MISFA: variants seen among roughly 807,000 people sequenced by gnomAD.
MISFA encodes mitochondrial sheath formation associated.
the MISFA span, among the ~76,000 whole-genome samples, chr11:18,600,360 C>T: frequency 3.3e-5 from 5 of 150,222 alleles, no homozygotes; most frequent in African/African-American, 4.9e-5. Flanking sequence ...TGCACCACCA[C>T]GCCTGGCGAA....
the MISFA span, chr11:18,603,019 C>T: frequency 2.5e-6 from 1 of 396,826 alleles, no homozygotes; most frequent in Non-Finnish European, 4.4e-6. Context: ...CCATGCTGGG[C>T]CATCCACCAT....
At chr11:18,600,046 GC>G in the MISFA span, 1 of 398,868 alleles carries the variant, frequency 2.5e-6, no homozygotes, top group South Asian at 1.3e-4. Context: ...TCCTGTGCTG[GC>G]TCATCTTCCT....
chr11:18,606,873 T>C, the MISFA span: 647 of 363,504 alleles, frequency 1.8e-3, 3 homozygotes, highest in Middle Eastern at 7.5e-3. Context: ...ACATTCTTTT[T>C]TTTTTGACAT....
At chr11:18,608,543 A>G in the MISFA span, 1 of 152,150 alleles carries the variant, frequency 6.6e-6, no homozygotes, top group African/African-American at 2.4e-5. Flanking sequence ...CACTTCCCCT[A>G]AGCCTCTGTA....
At chr11:18,608,910 A>G in the MISFA span, 8 of 151,162 alleles carry the variant, frequency 5.3e-5, no homozygotes, top group Non-Finnish European at 8.9e-5. Flanking sequence ...TAACAAATTC[A>G]AGCTAAAAAA....
At chr11:18,599,915 T>C in the MISFA span, 1 of 398,878 alleles carries the variant, frequency 2.5e-6, no homozygotes, top group African/African-American at 2.1e-5. Flanking sequence ...TTAGAAATTG[T>C]TTTACGTTTG....
the MISFA span, among the ~76,000 whole-genome samples, chr11:18,604,666 TG>T: frequency 1.3e-5 from 2 of 151,542 alleles, no homozygotes; most frequent in African/African-American, 4.8e-5. Context: ...TTATACCATG[TG>T]GGGTAAGAAA....
chr11:18,600,247 A>G, the MISFA span, among the ~76,000 whole-genome samples: 1 of 152,024 alleles, frequency 6.6e-6, no homozygotes, highest in South Asian at 2.1e-4. Flanking sequence ...CTTGTTGCCC[A>G]GGCTGGAGTG....
the MISFA span, chr11:18,602,725 C>G: frequency 0.077 from 12,903 of 167,346 alleles, 687 homozygotes; most frequent in East Asian, 0.18. Context: ...TCTGATTGCA[C>G]AAAGCCAATA....
the MISFA span, among the ~76,000 whole-genome samples, chr11:18,604,792 T>G: frequency 1.3e-5 from 2 of 152,190 alleles, no homozygotes; most frequent in African/African-American, 4.8e-5. Context: ...TTGAGGGGCA[T>G]GTTTATCTTG....
At chr11:18,603,504 A>T in the MISFA span, among the ~76,000 whole-genome samples, 5 of 152,178 alleles carry the variant, frequency 3.3e-5, no homozygotes, top group African/African-American at 4.8e-5. Context: ...TCTCTTCCAC[A>T]AGTAAACACT....
chr11:18,608,074 T>A, the MISFA span: 2 of 152,616 alleles, frequency 1.3e-5, no homozygotes, highest in Non-Finnish European at 2.9e-5. Flanking sequence ...TCTAAGCCTG[T>A]TTTATTACAT....
chr11:18,603,766 CCA>C, the MISFA span: 1 of 399,070 alleles, frequency 2.5e-6, no homozygotes. Flanking sequence ...CTTTTTTCCC[CCA>C]CAGACTCCAG....
At chr11:18,605,830 A>T in the MISFA span, among the ~76,000 whole-genome samples, 2 of 152,184 alleles carry the variant, frequency 1.3e-5, no homozygotes, top group African/African-American at 2.4e-5. Flanking sequence ...AGCAGGGATT[A>T]CAACGCACGC....
At chr11:18,605,029 G>C in the MISFA span, among the ~76,000 whole-genome samples, 1 of 152,124 alleles carries the variant, frequency 6.6e-6, no homozygotes, top group East Asian at 1.9e-4. Context: ...GATCACTTGA[G>C]GTCAGGAGTT....
At chr11:18,604,172 C>T in the MISFA span, among the ~76,000 whole-genome samples, 11 of 151,712 alleles carry the variant, frequency 7.3e-5, no homozygotes, top group African/African-American at 2.4e-4. Flanking sequence ...ATGATCTGCC[C>T]GCCTCGGCCT....
the MISFA span, chr11:18,607,758 G>A: frequency 5.3e-5 from 8 of 151,958 alleles, no homozygotes; most frequent in African/African-American, 1.9e-4. Context: ...TAATGTTGAC[G>A]CAAATCAACA....
At chr11:18,603,445 C>T in the MISFA span, among the ~76,000 whole-genome samples, 1 of 152,156 alleles carries the variant, frequency 6.6e-6, no homozygotes, top group South Asian at 2.1e-4. Flanking sequence ...TATGCCCAGT[C>T]TTTGATGCCA....
the MISFA span, chr11:18,600,124 G>A: frequency 2.5e-6 from 1 of 397,512 alleles, no homozygotes; most frequent in East Asian, 3.6e-5. Context: ...GTCAGAATGT[G>A]ATGGGAACAA....
Sources: allele counts gnomAD v4.1 joint callset (sites outside exome capture counted in the v4.1 genomes callset), GRCh38; gene constraint gnomAD v4.1.1; transcripts MANE v1.5; gene names NCBI Gene and HGNC (gene_info 2026-07-23, HGNC 2026-07-21).